E2F6: variants seen among roughly 807,000 people sequenced by gnomAD.
E2F6 encodes the protein transcription factor E2F6.
In E2F6, 19 loss-of-function variants were observed where a neutral mutation model predicts 31.5. The ratio of observed to expected loss-of-function variants is 0.60; its 90% CI spans 0.42 to 0.89. The LOEUF is 0.89. Among genes scored for constraint, E2F6 ranks in the 40% least tolerant of loss-of-function variants. The pLI, the probability that E2F6 is intolerant of heterozygous loss-of-function variation, is 0.00. For missense variants in E2F6, 269 were observed against 341.6 expected (o/e 0.79, Z 1.67); for synonymous variants, 121 against 127.7 (o/e 0.95, Z 0.36).
intron 1 of E2F6, among the ~76,000 whole-genome samples, chr2:11,462,080 G>A (rs1426706885): frequency 2.0e-5 from 3 of 152,126 alleles, no homozygotes; most frequent in African/African-American, 7.2e-5. Context: ...TCAGATTAAA[G>A]AATCAATTCC....
rs148399619 is a variant in E2F6, at chr2:11,464,610, G to T, written c.108+1162C>A. ...TGGAATCAAGGGAGAGATCTTTTAA[G>T]ATGGGGATGGATTTAGAATGCGGTT... is the stretch of plus-strand genomic sequence containing the variant. On this transcript the variant is annotated intron_variant, in intron 1 of 6. Coordinates refer to ENST00000381525, the MANE Select transcript of E2F6 (RefSeq NM_198256.4). Among the ~76,000 whole-genome samples the T allele has an allele frequency of 1.1e-4, 17 of 150,668 alleles. No homozygotes were observed. The East Asian group carries it at 3.3e-3, about 29-fold the overall frequency.
chr2:11,454,353 T>TC (rs1491477549), intron 2 of E2F6, among the ~76,000 whole-genome samples: 11 of 133,106 alleles, frequency 8.3e-5, no homozygotes, highest in Admixed American at 6.0e-4. Flanking sequence ...TATCTCTCTC[T>TC]TTTTTTTTTT....
intron 3 of E2F6, 126 bp from the exon 4 acceptor site, chr2:11,451,932 A>T: frequency 1.2e-6 from 1 of 856,932 alleles, no homozygotes; most frequent in Non-Finnish European, 1.8e-6. Context: ...GAAACTAGGG[A>T]CTTTTAACTT....
chr2:11,447,009 T>C (rs1670758592), intron 6 of E2F6, among the ~76,000 whole-genome samples: 2 of 152,176 alleles, frequency 1.3e-5, no homozygotes, highest in African/African-American at 4.8e-5. Flanking sequence ...CGGATGTCGG[T>C]GGAGCTGTTG....
At position 11,463,952 on chromosome 2, in the gene E2F6, G is replaced by GGGGC. The variant is rs1216968747; in HGVS notation, c.108+1819_108+1820insGCCC. Among the ~76,000 whole-genome samples the GGGGC allele has an allele frequency of 5.9e-5, 8 of 135,492 alleles. 1 individual carries two copies. In the East Asian group the frequency reaches 8.7e-4, roughly 15 times the overall value. 88.9% of individuals were successfully genotyped at this position (135,492 alleles called of 152,430 possible). Reference sequence around the variant, plus strand: ...TGACAGAGTGAGATCCTGCACCGGGGGGGGGGACAAAAACAAAAACAGAAA... The same window carrying GGGGC: ...TGACAGAGTGAGATCCTGCACCGGGGGGGCGGGGGGACAAAAACAAAAACAGAAA... On this transcript the variant is annotated intron_variant, in intron 1 of 6. Transcript: ENST00000381525.
chr2:11,458,340 C>T (rs1362847836), intron 1 of E2F6: 1 of 1,551,594 alleles, frequency 6.4e-7, no homozygotes, highest in African/African-American at 1.4e-5. Flanking sequence ...CCAGATTTGC[C>T]TGAATAAACA....
At chr2:11,461,438 A>G (rs11680919) in intron 1 of E2F6, among the ~76,000 whole-genome samples, 45,167 of 152,044 alleles carry the variant, frequency 0.3, 8,276 homozygotes, top group East Asian at 0.61. Context: ...TGCAACCTCC[A>G]CCTCCTGGGT....
rs1365546567 is a variant in E2F6, at chr2:11,444,970, TA to T, written c.*1506del. ...ACAGAGGGAGGAAAAGCATTGAGGC[TA>T]ACCGCTGGGGGAGGAGCACACTTCA... On this transcript the variant is annotated 3_prime_UTR_variant, in exon 7 of 7. Coordinates refer to ENST00000381525, the MANE Select transcript of E2F6 (RefSeq NM_198256.4). 1.3e-5 allele frequency: 2 copies of T among 152,236 alleles called. No homozygotes were observed. Among genetic ancestry groups the T allele is most frequent in the African/African-American group, 4.8e-5 (2 of 41,440 alleles). The allele number at this position is 152,236 out of a possible 1,614,324, so 9.4% of individuals were successfully genotyped here.
chr2:11,447,522 T>C lies in E2F6; in HGVS notation c.799+105A>G, dbSNP rs531642160. 89 of 1,238,428 alleles carry C rather than the reference T, an allele frequency of 7.2e-5. No individual in the cohort carries two copies. In the African/African-American group the frequency reaches 7.7e-4, roughly 11 times the overall value. The allele number at this position is 1,238,428 out of a possible 1,614,324, so 76.7% of individuals were successfully genotyped here. On this transcript the variant is annotated intron_variant, in intron 6 of 6. Transcript: ENST00000381525. The stretch of plus-strand genomic sequence containing the variant: ...GAGTTATGCTGTAATTTTTTACTCA[T>C]GTTTTTGTGGCTAGGAAGAGTAAAA...
At position 11,462,005 on chromosome 2, in the gene E2F6, T is replaced by TA. The variant is rs1203714100; in HGVS notation, c.108+3766_108+3767insT. Reference sequence around the variant, plus strand: ...ATTTTGCATATCTATAAACAGTTTGTGTCATGGACTTCCAGTGCTCTCTCT... The same window carrying TA: ...ATTTTGCATATCTATAAACAGTTTGTAGTCATGGACTTCCAGTGCTCTCTCT... On this transcript the variant is annotated intron_variant, in intron 1 of 6. Coordinates refer to ENST00000381525, the MANE Select transcript of E2F6 (RefSeq NM_198256.4). Among the ~76,000 whole-genome samples, 9 of 152,252 alleles carry TA rather than the reference T, an allele frequency of 5.9e-5. 1 individual carries two copies. The East Asian group carries it at 1.2e-3, about 20-fold the overall frequency.
Position 11,450,373 on chromosome 2 carries a change from C to G in E2F6, c.537-247G>C, listed in dbSNP as rs146955520. Reference sequence around the variant, plus strand: ...ACACAACCTAAAGAGTTTCTTTAAGCTCTACTATTATGATTATGATGGCAA... The same window carrying G: ...ACACAACCTAAAGAGTTTCTTTAAGGTCTACTATTATGATTATGATGGCAA... On this transcript the variant is annotated intron_variant, in intron 4 of 6. Coordinates refer to ENST00000381525, the MANE Select transcript of E2F6 (RefSeq NM_198256.4). Among the ~76,000 whole-genome samples, 484 of 152,016 alleles carry G rather than the reference C, an allele frequency of 3.2e-3. 4 individuals carry two copies. Among genetic ancestry groups the G allele is most frequent in the African/African-American group, 0.011 (462 of 41,478 alleles).
intron 1 of E2F6, among the ~76,000 whole-genome samples, chr2:11,464,701 A>T (rs1278160013): frequency 6.6e-6 from 1 of 152,084 alleles, no homozygotes; most frequent in Non-Finnish European, 1.5e-5. Flanking sequence ...TTCTACACTT[A>T]TTATCCAGCC....
Position 11,466,149 on chromosome 2 carries a change from T to C in E2F6, c.-270A>G, listed in dbSNP as rs942191841. ...TCGCCCGGCCCGCCATCTTCCCGCA[T>C]GCGCAGTACACCGCCCCCCTCTGCG... is the stretch of plus-strand genomic sequence containing the variant. On this transcript the variant is annotated 5_prime_UTR_variant, in exon 1 of 7. An upstream start codon of the reference 5' UTR is lost. Coordinates refer to ENST00000381525, the MANE Select transcript of E2F6 (RefSeq NM_198256.4). The C allele has an allele frequency of 2.3e-6, 1 of 427,090 alleles. No individual in the cohort carries two copies. Among genetic ancestry groups the C allele is most frequent in the Non-Finnish European group, 4.2e-6 (1 of 240,162 alleles). The allele number at this position is 427,090 out of a possible 1,614,324, so 26.5% of individuals were successfully genotyped here.
At chr2:11,465,485 G>C (rs978598213) in intron 1 of E2F6, among the ~76,000 whole-genome samples, 2 of 152,214 alleles carry the variant, frequency 1.3e-5, no homozygotes, top group African/African-American at 4.8e-5. Context: ...TACAGCTAGA[G>C]TCCATAGAAG....
At position 11,445,610 on chromosome 2, in the gene E2F6, C is replaced by T. The variant is rs575240301; in HGVS notation, c.*867G>A. On this transcript the variant is annotated 3_prime_UTR_variant, in exon 7 of 7. Transcript: ENST00000381525. The stretch of plus-strand genomic sequence containing the variant: ...ACTTGCAAAAACCTGAAAGGAGTTT[C>T]CAATTATCACCATGACTGAATTCAT... The T allele has an allele frequency of 2.7e-4, 41 of 152,066 alleles. No individual in the cohort carries two copies. In the East Asian group the frequency reaches 7.6e-3, roughly 28 times the overall value. 9.4% of individuals were successfully genotyped at this position (152,066 alleles called of 1,614,324 possible).
chr2:11,465,779 C>T lies in E2F6; in HGVS notation c.101G>A (p.Gly34Asp). Residue 34 changes from glycine to aspartate, a missense_variant, in exon 1 of 7, where the codon GGC becomes GAC. Gly to Asp is a moderately conservative substitution (Grantham distance 94, BLOSUM62 -1). Coordinates refer to ENST00000381525, the MANE Select transcript of E2F6 (RefSeq NM_198256.4). ...TCCCGTCCCGGAGCTTACCAGCAGG[C>T]CCTCCACGTTGATGGGGTCTCGGCA... is the stretch of plus-strand genomic sequence containing the variant. ...RRCRDPINVE[G>D]LLPSKIRINL... 1.3e-6 allele frequency: 2 copies of T among 1,594,886 alleles called. No individual in the cohort carries two copies. The highest frequency in any genetic ancestry group is 2.3e-5 in the East Asian group (1 of 43,986).
chr2:11,446,712 A>C (rs1670737581), intron 6 of E2F6, among the ~76,000 whole-genome samples, 189 bp from the exon 7 acceptor site: 1 of 152,206 alleles, frequency 6.6e-6, no homozygotes. Flanking sequence ...ATAAACTGGA[A>C]CTCTAACTTG....
chr2:11,453,656 T>C lies in E2F6; in HGVS notation c.306A>G (p.Arg102=), dbSNP rs761936781. ...CTAAGACATTGGTGATGTCATACAC[T>C]CTCCGCTTTCGGACTCCCAGTTTCG... ...VATKLGVRKR[R]VYDITNVLDG... is the part of the protein sequence containing the mutation. The change falls in exon 3 of 7, where the codon AGA becomes AGG. Residue 102 remains arginine (R), a synonymous_variant. Coordinates refer to ENST00000381525, the MANE Select transcript of E2F6 (RefSeq NM_198256.4). 1.2e-6 allele frequency: 2 copies of C among 1,614,138 alleles called. No individual in the cohort carries two copies. The highest frequency in any genetic ancestry group is 4.5e-5 in the East Asian group (2 of 44,880).
chr2:11,450,974 C>A (rs1250207644), intron 4 of E2F6, among the ~76,000 whole-genome samples: 1 of 151,712 alleles, frequency 6.6e-6, no homozygotes, highest in Non-Finnish European at 1.5e-5. Flanking sequence ...GCTCCCCCAG[C>A]CCCACCCCCC....
Sources: gnomAD v4.1 joint callset for allele counts (sites outside exome capture counted in the v4.1 genomes callset) on GRCh38, gnomAD v4.1.1 for gene constraint, MANE v1.5 for transcripts, NCBI Gene and HGNC (gene_info 2026-07-23, HGNC 2026-07-21) for gene names.